DBF4B: variants seen among roughly 807,000 people sequenced by gnomAD.
DBF4B encodes DBF4B-CDC7 kinase regulatory subunit, also known as protein DBF4 homolog B.
In DBF4B, 49 loss-of-function variants were observed where a neutral mutation model predicts 53.4. The observed-to-expected ratio is 0.92, with a 90% confidence interval of 0.73 to 1.16. The LOEUF (loss-of-function observed/expected upper bound fraction) is 1.16, where lower values mean the gene tolerates loss of function less well. DBF4B is among the 50% of genes most tolerant of loss of function. DBF4B has a pLI of 0.00. For missense variants in DBF4B, 692 were observed against 775.0 expected, an observed-to-expected ratio of 0.89 and a Z score of 1.27; for synonymous variants, 257 against 288.7, an observed-to-expected ratio of 0.89 and a Z score of 1.11.
chr17:44,730,021 G>A lies in DBF4B; in HGVS notation c.342G>A (p.Glu114=), dbSNP rs1414042919. ...GCTGCCCTAGCCCTAGCCCCAGTGA[G>A]GTCAGAGTGGAAACATCGGCCATGG... ...HRGCPSPSPS[E]VRVETSAMVD... Residue 114 remains glutamate (E), a synonymous_variant, in exon 4 of 14, where the codon GAG becomes GAA. Transcript: ENST00000315005. 11 of 1,613,512 alleles carry A rather than the reference G, an allele frequency of 6.8e-6. No individual in the cohort carries two copies. Among genetic ancestry groups the A allele is most frequent in the African/African-American group, 1.3e-5 (1 of 74,890 alleles).
At chr17:44,729,677 T>TACAC (rs1429104175) in intron 3 of DBF4B, among the ~76,000 whole-genome samples, 153 of 100,466 alleles carry the variant, frequency 1.5e-3, no homozygotes, top group African/African-American at 5.5e-3. Flanking sequence ...AAACCTGTAA[T>TACAC]ACACATACAC....
At chr17:44,709,936 G>A (rs917880824) in intron 2 of DBF4B, among the ~76,000 whole-genome samples, 7 of 151,716 alleles carry the variant, frequency 4.6e-5, no homozygotes, top group Non-Finnish European at 1.0e-4. Context: ...CACTTTGGGA[G>A]GCCAAGGCGG....
chr17:44,726,654 C>T (rs1007273925), intron 3 of DBF4B, among the ~76,000 whole-genome samples: 11 of 151,820 alleles, frequency 7.2e-5, no homozygotes, highest in Non-Finnish European at 4.4e-5. Flanking sequence ...GCATCATTTG[C>T]GGTGGGAATA....
In DBF4B at chr17:44,752,081, C is replaced by G. The variant is rs572266347; in HGVS notation, c.*828C>G. ...CCTTTCACTTCTCGGCAGATGTGAC[C>G]GATTGGTAGCTCCACCCCAACTCCC... On this transcript the variant is annotated 3_prime_UTR_variant, in exon 14 of 14. Transcript: ENST00000315005. The G allele has an allele frequency of 8.0e-7, 1 of 1,244,208 alleles. No homozygotes were observed. Among genetic ancestry groups the G allele is most frequent in the East Asian group, 2.6e-5 (1 of 39,016 alleles). 77.1% of individuals were successfully genotyped at this position (1,244,208 alleles called of 1,614,324 possible). A position where few individuals can be genotyped will look rare whatever the true frequency, so the allele number is the denominator to read the frequency against.
At chr17:44,712,374 G>A (rs1568156427) in intron 2 of DBF4B, among the ~76,000 whole-genome samples, 3 of 128,538 alleles carry the variant, frequency 2.3e-5, no homozygotes, top group African/African-American at 8.5e-5. Flanking sequence ...CAATCATCTC[G>A]GCTCACTGCA....
chr17:44,710,976 ATTTTTTT>A (rs10522434), intron 2 of DBF4B, among the ~76,000 whole-genome samples: 2,073 of 98,134 alleles, frequency 0.021, 18 homozygotes, highest in African/African-American at 0.063. Flanking sequence ...TTCCAGTTTG[ATTTTTTT>A]TTTTTTTTTT....
chr17:44,718,252 G>C (rs988300161), intron 2 of DBF4B, among the ~76,000 whole-genome samples: 1 of 151,682 alleles, frequency 6.6e-6, no homozygotes, highest in Non-Finnish European at 1.5e-5. Flanking sequence ...CAACATGGCT[G>C]TCTCTACTAA....
intron 2 of DBF4B, among the ~76,000 whole-genome samples, chr17:44,719,442 A>G (rs984677814): frequency 6.6e-6 from 1 of 152,040 alleles, no homozygotes; most frequent in Non-Finnish European, 1.5e-5. Flanking sequence ...GCCACTCACA[A>G]ATTTCTCCTG....
Position 44,730,991 on chromosome 17 carries a change from G to A in DBF4B, c.444G>A (p.Leu148=). The A allele has an allele frequency of 4.3e-6, 7 of 1,614,084 alleles. No individual in the cohort carries two copies. Among genetic ancestry groups the A allele is most frequent in the Non-Finnish European group, 5.9e-6 (7 of 1,179,948 alleles). ...TGCCTCTAAGCAGAGGGAAGGAGCT[G>A]CTGCAGAAGGCTATCAGAAACCAGG... The part of the protein sequence containing the change: ...DSVPLSRGKE[L]LQKAIRNQGS... Residue 148 remains leucine, a synonymous_variant, in exon 5 of 14, where the codon CTG becomes CTA. Coordinates refer to ENST00000315005, the MANE Select transcript of DBF4B (RefSeq NM_145663.3).
intron 6 of DBF4B, 179 bp from the exon 7 acceptor site, chr17:44,733,911 A>C (rs1975090823): frequency 1.3e-5 from 8 of 598,560 alleles, no homozygotes; most frequent in Middle Eastern, 8.8e-4. Context: ...TAGAGGACCC[A>C]GTCCTTAACC....
Position 44,722,861 on chromosome 17 carries a change from C to G in DBF4B, c.83-19C>G. ...CTCTTTTCAAACTTCTTACTTTGCT[C>G]CTCTTTATTGTTTTCTAGGAGTTTC... On this transcript the variant is annotated intron_variant, in intron 2 of 13. Coordinates refer to ENST00000315005, the MANE Select transcript of DBF4B (RefSeq NM_145663.3). The G allele has an allele frequency of 6.2e-7, 1 of 1,612,180 alleles. No individual in the cohort carries two copies. Among genetic ancestry groups the G allele is most frequent in the Non-Finnish European group, 8.5e-7 (1 of 1,179,454 alleles).
intron 2 of DBF4B, among the ~76,000 whole-genome samples, chr17:44,717,707 C>CA (rs539318780): frequency 0.35 from 30,149 of 85,582 alleles, 4,076 homozygotes; most frequent in African/African-American, 0.49. Flanking sequence ...GACCTGGTCT[C>CA]AAAAAAAAAA....
At chr17:44,723,072 G>A in intron 3 of DBF4B, 50 bp downstream of exon 3, 1 of 1,605,754 alleles carries the variant, frequency 6.2e-7, no homozygotes, top group East Asian at 2.2e-5. Context: ...TGCAGGCTTA[G>A]AGCAGGAGTT....
At chr17:44,728,283 G>A (rs1974532438) in intron 3 of DBF4B, among the ~76,000 whole-genome samples, 2 of 152,104 alleles carry the variant, frequency 1.3e-5, no homozygotes, top group African/African-American at 2.4e-5. Context: ...TGAGGCCTAG[G>A]CTCCAGAACT....
At chr17:44,725,300 T>A (rs1437894277) in intron 3 of DBF4B, among the ~76,000 whole-genome samples, 1 of 152,000 alleles carries the variant, frequency 6.6e-6, no homozygotes, top group East Asian at 1.9e-4. Context: ...AAAAATAATG[T>A]TAAAATAAAC....
In DBF4B at chr17:44,752,233, C is replaced by A; in HGVS notation, c.*980C>A. ...GGGCTTGGATGAGATGATTTCAGGA[C>A]CCTTTCCAATAATAAAATACTGTGA... On this transcript the variant is annotated 3_prime_UTR_variant, in exon 14 of 14. Transcript: ENST00000315005. 4.0e-6 allele frequency: 2 copies of A among 497,810 alleles called. No homozygotes were observed. Among genetic ancestry groups the A allele is most frequent in the Non-Finnish European group, 7.3e-6 (2 of 274,108 alleles). 30.8% of individuals were successfully genotyped at this position (497,810 alleles called of 1,614,324 possible).
chr17:44,712,827 G>A (rs1392567538), intron 2 of DBF4B, among the ~76,000 whole-genome samples: 4 of 149,184 alleles, frequency 2.7e-5, no homozygotes, highest in Non-Finnish European at 3.0e-5. Context: ...TGCCCACCTC[G>A]GCCTCCCAAA....
At position 44,730,011 on chromosome 17, in the gene DBF4B, G is replaced by A; in HGVS notation, c.332G>A (p.Ser111Asn). 1 of 1,613,750 alleles carries A rather than the reference G, an allele frequency of 6.2e-7. No homozygotes were observed. The highest frequency in any genetic ancestry group is 1.1e-5 in the South Asian group (1 of 91,050). The change falls in exon 4 of 14, where the codon AGC (serine) becomes AAC (asparagine). Residue 111 changes from serine (S) to asparagine (N), a missense_variant. Ser to Asn is a conservative substitution (Grantham distance 46). Coordinates refer to ENST00000315005, the MANE Select transcript of DBF4B (RefSeq NM_145663.3). ...AGCCATAGAGGCTGCCCTAGCCCTA[G>A]CCCCAGTGAGGTCAGAGTGGAAACA... ...GKSHRGCPSP[S>N]PSEVRVETSA...
chr17:44,721,006 C>T (rs562536234), intron 2 of DBF4B, among the ~76,000 whole-genome samples: 1 of 152,030 alleles, frequency 6.6e-6, no homozygotes, highest in African/African-American at 2.4e-5. Flanking sequence ...GCTGGGATTA[C>T]AGGCGTGAAC....
Sources: allele counts gnomAD v4.1 joint callset (sites outside exome capture counted in the v4.1 genomes callset), GRCh38; gene constraint gnomAD v4.1.1; transcripts MANE v1.5; gene names NCBI Gene and HGNC (gene_info 2026-07-23, HGNC 2026-07-21).